PPP1R14A: variants seen among roughly 807,000 people sequenced by gnomAD.
PPP1R14A encodes protein phosphatase 1 regulatory inhibitor subunit 14A, also known as protein phosphatase 1 regulatory subunit 14A.
PPP1R14A carries 9 observed loss-of-function variants against 14.1 expected under a neutral mutation model. The observed-to-expected ratio is 0.64, with a 90% CI of 0.38 to 1.11. The LOEUF (loss-of-function observed/expected upper bound fraction) is 1.11, where lower values mean the gene tolerates loss of function less well. PPP1R14A is among the 50% of genes most tolerant of loss of function. The probability of loss-of-function intolerance (pLI) is 0.01; values close to 1 mark genes in which losing one functional copy is unlikely to be tolerated. For synonymous variants in PPP1R14A, 93 were observed against 88.7 expected (o/e 1.05, Z -0.27); for missense variants, 208 against 200.7 (o/e 1.04, Z -0.22).
At chr19:38,253,022 C>G (rs1306868402) in intron 1 of PPP1R14A, 48 bp from the exon 2 acceptor site, 1 of 1,480,372 alleles carries the variant, frequency 6.8e-7, no homozygotes, top group Non-Finnish European at 9.4e-7. Flanking sequence ...CCCTCCCTCC[C>G]TCGCCTTTGT....
At position 38,251,425 on chromosome 19, in the gene PPP1R14A, C is replaced by T. The variant is rs773615973; in HGVS notation, c.337G>A (p.Ala113Thr). 3 of 1,568,172 alleles carry T rather than the reference C, an allele frequency of 1.9e-6. No individual in the cohort carries two copies. Among genetic ancestry groups the T allele is most frequent in the Admixed American group, 1.9e-5 (1 of 51,928 alleles). Reference protein sequence around the residue: ...PVEDFIQELLAKLQGLHRQPG... With the variant: ...PVEDFIQELLTKLQGLHRQPG... ...TGCCTGTGGAGGCCTTGAAGCTTTG[C>T]CAGCAGCTCCTGGATGAAGTCCTGA... The change falls in exon 4 of 4, where the codon GCA (alanine) becomes ACA (threonine). Residue 113 changes from alanine (A) to threonine (T), a missense_variant. Physicochemically the swap from Ala to Thr is moderately conservative, Grantham distance 58. Coordinates refer to ENST00000301242, the MANE Select transcript of PPP1R14A (RefSeq NM_033256.3).
chr19:38,252,823 C>T lies in PPP1R14A; in HGVS notation c.282+71G>A. Reference sequence around the variant, plus strand: ...CGGCATCTAGTGAGCACTCAGTAAACACGTGAACTATTGCTATTATTTTTA... The same window carrying T: ...CGGCATCTAGTGAGCACTCAGTAAATACGTGAACTATTGCTATTATTTTTA... On this transcript the variant is annotated intron_variant, in intron 2 of 3. Coordinates refer to ENST00000301242, the MANE Select transcript of PPP1R14A (RefSeq NM_033256.3). This position sits in a 1 kb window ranked among gnomAD's most constrained non-coding sequence, Gnocchi z 4.1. The T allele has an allele frequency of 8.9e-7, 1 of 1,118,376 alleles. No individual in the cohort carries two copies. The highest frequency in any genetic ancestry group is 1.7e-5 in the Admixed American group (1 of 59,332). 69.3% of individuals were successfully genotyped at this position (1,118,376 alleles called of 1,614,324 possible).
chr19:38,252,074 TG>T lies in PPP1R14A; in HGVS notation c.315+231del. ...ACAGGAGAGGCAAAAACAGGGCAGA[TG>T]GGGGAGGACAGAATGGAGCCCCCTC... is the stretch of plus-strand genomic sequence containing the variant. On this transcript the variant is annotated intron_variant, in intron 3 of 3. Transcript: ENST00000301242. This position sits in a 1 kb window ranked among gnomAD's most constrained non-coding sequence, Gnocchi z 4.1. 1.7e-6 allele frequency: 1 copy of T among 578,038 alleles called. No individual in the cohort carries two copies. Among genetic ancestry groups the T allele is most frequent in the South Asian group, 2.1e-5 (1 of 47,336 alleles). The allele number at this position is 578,038 out of a possible 1,614,324, so 35.8% of individuals were successfully genotyped here. A position where few individuals can be genotyped will look rare whatever the true frequency, so the allele number is the denominator to read the frequency against.
At position 38,251,464 on chromosome 19, in the gene PPP1R14A, A is replaced by T; in HGVS notation, c.316-18T>A. The T allele has an allele frequency of 6.4e-7, 1 of 1,550,538 alleles. No homozygotes were observed. The highest frequency in any genetic ancestry group is 1.2e-5 in the South Asian group (1 of 83,746). ...ATGAAGTCCTGAGACAGGGTGGGGG[A>T]GCTGAGAACATGGGAACAGTGCGGG... On this transcript the variant is annotated intron_variant, in intron 3 of 3. Transcript: ENST00000301242.
rs1968204730 is a variant in PPP1R14A, at chr19:38,252,859, A to C, written c.282+35T>G. ...TTGCTATTATTTTTAGGGAGGTGCA[A>C]AGTGGGAGGCTGGGGGACACGTCCC... On this transcript the variant is annotated intron_variant, in intron 2 of 3. Coordinates refer to ENST00000301242, the MANE Select transcript of PPP1R14A (RefSeq NM_033256.3). This position sits in a 1 kb window ranked among gnomAD's most constrained non-coding sequence, Gnocchi z 4.1. 6.7e-7 allele frequency: 1 copy of C among 1,486,040 alleles called. No homozygotes were observed. The highest frequency in any genetic ancestry group is 1.4e-5 in the African/African-American group (1 of 72,244). 92.1% of individuals were successfully genotyped at this position (1,486,040 alleles called of 1,614,324 possible).
At chr19:38,255,377 C>A (rs1968235458) in intron 1 of PPP1R14A, among the ~76,000 whole-genome samples, 1 of 152,206 alleles carries the variant, frequency 6.6e-6, no homozygotes, top group Non-Finnish European at 1.5e-5. Flanking sequence ...AATCCTCCTG[C>A]CCCGGCCTCA....
intron 1 of PPP1R14A, 154 bp from the exon 2 acceptor site, chr19:38,253,128 C>T (rs982213224): frequency 2.1e-5 from 13 of 614,816 alleles, no homozygotes; most frequent in Non-Finnish European, 3.5e-5. Flanking sequence ...CAAGACGGGA[C>T]ATCTGGGTGT....
In PPP1R14A at chr19:38,256,085, C is replaced by A; in HGVS notation, c.201+54G>T. The A allele has an allele frequency of 6.8e-7, 1 of 1,478,582 alleles. No individual in the cohort carries two copies. The allele number at this position is 1,478,582 out of a possible 1,614,324, so 91.6% of individuals were successfully genotyped here. On this transcript the variant is annotated intron_variant, in intron 1 of 3. Coordinates refer to ENST00000301242, the MANE Select transcript of PPP1R14A (RefSeq NM_033256.3). The surrounding 1 kb of genome is among the most constrained non-coding windows in gnomAD (Gnocchi z 5.7). ...CCGAGACCCCAAGGGCGTGGGGTCT[C>A]CGCGCCCGGGCTCTATCTGTCCCCG... is the stretch of plus-strand genomic sequence containing the variant.
At position 38,252,311 on chromosome 19, in the gene PPP1R14A, CAGG is replaced by C. The variant is rs1349064988; in HGVS notation, c.307_309del (p.Pro103del). On this transcript the variant is annotated inframe_deletion, in exon 3 of 4. Transcript: ENST00000301242. This position sits in a 1 kb window ranked among gnomAD's most constrained non-coding sequence, Gnocchi z 4.1. ...ATGAGGGAGAGAAAACTCACCTCGA[CAGG>C]TTTCCCACATGACTTCAGGAGTCCC... is the stretch of plus-strand genomic sequence containing the variant. 3 of 1,612,218 alleles carry C rather than the reference CAGG, an allele frequency of 1.9e-6. No individual in the cohort carries two copies. Among genetic ancestry groups the C allele is most frequent in the African/African-American group, 2.7e-5 (2 of 74,852 alleles).
chr19:38,254,238 A>T (rs535017621), intron 1 of PPP1R14A, among the ~76,000 whole-genome samples: 1 of 152,290 alleles, frequency 6.6e-6, no homozygotes, highest in East Asian at 1.9e-4. Flanking sequence ...GAGGCCGACA[A>T]GAGAGAATTG....
At position 38,256,271 on chromosome 19, in the gene PPP1R14A, T is replaced by TG; in HGVS notation, c.68dup (p.Gly24ArgfsTer19). On this transcript the variant is annotated frameshift_variant, in exon 1 of 4. Coordinates refer to ENST00000301242, the MANE Select transcript of PPP1R14A (RefSeq NM_033256.3). LOFTEE classifies it high-confidence loss of function. The surrounding 1 kb of genome is among the most constrained non-coding windows in gnomAD (Gnocchi z 5.7). ...TCTGCAGCCCCCCGGGACTGCCCCCTGGCCCGCGGGCCCGCGATGGAGACT... is the reference window on the plus strand; with the variant it reads ...TCTGCAGCCCCCCGGGACTGCCCCCTGGGCCCGCGGGCCCGCGATGGAGACT... 6.5e-7 allele frequency: 1 copy of TG among 1,544,486 alleles called. No homozygotes were observed. Among genetic ancestry groups the TG allele is most frequent in the South Asian group, 1.2e-5 (1 of 84,464 alleles).
At chr19:38,251,568 T>A in intron 3 of PPP1R14A, 122 bp from the exon 4 acceptor site, 1 of 654,324 alleles carries the variant, frequency 1.5e-6, no homozygotes, top group South Asian at 2.3e-5. Flanking sequence ...TGGGGGGAGT[T>A]AGGGGCGGAG....
chr19:38,252,241 T>A lies in PPP1R14A; in HGVS notation c.315+65A>T, dbSNP rs1253611970. The A allele has an allele frequency of 6.5e-7, 1 of 1,539,486 alleles. No individual in the cohort carries two copies. Among genetic ancestry groups the A allele is most frequent in the East Asian group, 2.3e-5 (1 of 43,650 alleles). Reference sequence around the variant, plus strand: ...CCCCAGAGACCCTTCTGCCAGCTTCTTCCCCCTCCCCCATCAGAGTACTTG... The same window carrying A: ...CCCCAGAGACCCTTCTGCCAGCTTCATCCCCCTCCCCCATCAGAGTACTTG... On this transcript the variant is annotated intron_variant, in intron 3 of 3. Coordinates refer to ENST00000301242, the MANE Select transcript of PPP1R14A (RefSeq NM_033256.3). This position sits in a 1 kb window ranked among gnomAD's most constrained non-coding sequence, Gnocchi z 4.1.
chr19:38,255,479 T>C (rs11880301), intron 1 of PPP1R14A, among the ~76,000 whole-genome samples: 12,069 of 152,210 alleles, frequency 0.079, 642 homozygotes, highest in African/African-American at 0.15. Context: ...AGGTGGTCAG[T>C]TTTTTCTTTA....
rs1968246495 is a variant in PPP1R14A at position 38,256,209 on chromosome 19, C to T, written c.131G>A (p.Arg44Gln). The T allele has an allele frequency of 1.3e-6, 2 of 1,555,310 alleles. No homozygotes were observed. Among genetic ancestry groups the T allele is most frequent in the Non-Finnish European group, 1.7e-6 (2 of 1,154,294 alleles). ...CACGTCCAGCCGCCGCTGCAGCTCC[C>T]GCCGGTCATACTTGACGGTGACGCG... is the stretch of plus-strand genomic sequence containing the variant. ...HARVTVKYDR[R>Q]ELQRRLDVEK... The change falls in exon 1 of 4, where the codon CGG (arginine) becomes CAG (glutamine). Residue 44 changes from arginine to glutamine, a missense_variant. Transcript: ENST00000301242. The surrounding 1 kb of genome is among the most constrained non-coding windows in gnomAD (Gnocchi z 5.7).
chr19:38,254,057 G>C (rs547763009), intron 1 of PPP1R14A, among the ~76,000 whole-genome samples: 1 of 152,190 alleles, frequency 6.6e-6, no homozygotes, highest in South Asian at 2.1e-4. Flanking sequence ...TATGGGCCCA[G>C]GTGTGAGTCT....
intron 1 of PPP1R14A, among the ~76,000 whole-genome samples, chr19:38,254,658 T>C (rs935519424): frequency 6.6e-6 from 1 of 152,060 alleles, no homozygotes; most frequent in Non-Finnish European, 1.5e-5. Context: ...AAGTGTGACT[T>C]CAAGCAGAAA....
intron 1 of PPP1R14A, chr19:38,253,334 C>T (rs982286869): frequency 3.4e-5 from 7 of 206,184 alleles, no homozygotes; most frequent in African/African-American, 1.6e-4. Flanking sequence ...CTGGCTTCTG[C>T]CCTTTCAAGG....
chr19:38,251,406 T>A lies in PPP1R14A; in HGVS notation c.356A>T (p.His119Leu). The A allele has an allele frequency of 6.4e-7, 1 of 1,563,888 alleles. No homozygotes were observed. Among genetic ancestry groups the A allele is most frequent in the Non-Finnish European group, 8.6e-7 (1 of 1,162,790 alleles). Residue 119 changes from histidine to leucine, a missense_variant, in exon 4 of 4, where the codon CAC becomes CTC. By Grantham distance (99) the His-to-Leu change is moderately conservative. Transcript: ENST00000301242. ...TGGCTGGCGGAGGCCGGGCTGCCTG[T>A]GGAGGCCTTGAAGCTTTGCCAGCAG... ...QELLAKLQGL[H>L]RQPGLRQPSP...
Sources: gnomAD v4.1 joint callset for allele counts (sites outside exome capture counted in the v4.1 genomes callset) on GRCh38, gnomAD v4.1.1 for gene constraint, Gnocchi (gnomAD v3.1) non-coding constraint, MANE v1.5 for transcripts, NCBI Gene and HGNC (gene_info 2026-07-23, HGNC 2026-07-21) for gene names.